ADAM23: variants seen among roughly 807,000 people sequenced by gnomAD.
ADAM23 encodes the protein ADAM metallopeptidase domain 23.
In ADAM23, 33 loss-of-function variants were observed where a neutral mutation model predicts 120.1. That is an observed-to-expected ratio of 0.27 (90% confidence interval 0.21 to 0.37). The LOEUF (loss-of-function observed/expected upper bound fraction) is 0.37. ADAM23 is among the 10% of genes least tolerant of loss of function. ADAM23 has a pLI of 1.00. For missense variants in ADAM23, 862 were observed against 1,058.2 expected (o/e 0.81, Z 2.57); for synonymous variants, 367 against 375.2 (o/e 0.98, Z 0.25).
intron 8 of ADAM23, among the ~76,000 whole-genome samples, chr2:206,549,355 C>A (rs1345376694): frequency 6.6e-6 from 1 of 151,636 alleles, no homozygotes; most frequent in East Asian, 1.9e-4. Context: ...GGCTGCTGTT[C>A]TTTCCCTACA....
intron 2 of ADAM23, among the ~76,000 whole-genome samples, chr2:206,473,302 CG>C (rs1425091942): frequency 2.0e-5 from 3 of 152,082 alleles, no homozygotes; most frequent in Non-Finnish European, 4.4e-5. Context: ...TCTTTAAATG[CG>C]GAGAAAGTCT....
intron 2 of ADAM23, among the ~76,000 whole-genome samples, chr2:206,451,428 T>TG (rs1450405312): frequency 6.6e-6 from 1 of 152,196 alleles, no homozygotes; most frequent in African/African-American, 2.4e-5. Flanking sequence ...CCAGTAGAGA[T>TG]GGGGTTTCAC....
At chr2:206,536,043 C>A (rs543680075) in intron 4 of ADAM23, among the ~76,000 whole-genome samples, 2 of 152,312 alleles carry the variant, frequency 1.3e-5, no homozygotes, top group South Asian at 4.1e-4. Context: ...CCACCCTCTT[C>A]ATCAAACAAG....
At chr2:206,482,652 G>C (rs1234610651) in intron 3 of ADAM23, among the ~76,000 whole-genome samples, 4 of 152,312 alleles carry the variant, frequency 2.6e-5, no homozygotes, top group East Asian at 3.9e-4. Context: ...AAAGGAATCA[G>C]GTTGAGCACC....
At chr2:206,503,106 G>A (rs1313780222) in intron 3 of ADAM23, among the ~76,000 whole-genome samples, 5 of 152,160 alleles carry the variant, frequency 3.3e-5, no homozygotes, top group African/African-American at 4.8e-5. Context: ...GCTTGTGGTT[G>A]TGTTGCTGGT....
chr2:206,529,210 A>G (rs566022871), intron 3 of ADAM23, among the ~76,000 whole-genome samples: 4 of 152,166 alleles, frequency 2.6e-5, no homozygotes, highest in Non-Finnish European at 5.9e-5. Flanking sequence ...CTAGTACTGC[A>G]TAGTCTGAGT....
chr2:206,445,293 C>G lies in ADAM23; in HGVS notation c.215-14C>G, dbSNP rs200990949. ...TTTGTATTTTCTGCTCCCCCACCCC[C>G]CTACCTCCACCAGCTCCGCATTGGA... On this transcript the variant is annotated splice_polypyrimidine_tract_variant and intron_variant, in intron 1 of 25. Transcript: ENST00000264377. 216 of 1,609,646 alleles carry G rather than the reference C, an allele frequency of 1.3e-4. No homozygotes were observed. The highest frequency in any genetic ancestry group is 8.0e-5 in the African/African-American group (6 of 74,928).
intron 9 of ADAM23, among the ~76,000 whole-genome samples, chr2:206,552,320 A>G (rs903492796): frequency 2.0e-5 from 3 of 152,206 alleles, no homozygotes; most frequent in African/African-American, 7.2e-5. Flanking sequence ...TCAGGAAAGT[A>G]CATGAAGCTA....
In ADAM23 at chr2:206,620,800, A is replaced by G. The variant is rs1451793712; in HGVS notation, c.*3173A>G. On this transcript the variant is annotated 3_prime_UTR_variant, in exon 26 of 26. Coordinates refer to ENST00000264377, the MANE Select transcript of ADAM23 (RefSeq NM_003812.4). ...AAACATGAATCACATAGAGCAGTGG[A>G]GTTTTACCAAGTGGTGTGTGTGGTT... The G allele has an allele frequency of 6.6e-6, 1 of 152,024 alleles. No homozygotes were observed. Among genetic ancestry groups the G allele is most frequent in the Non-Finnish European group, 1.5e-5 (1 of 68,006 alleles). The allele number at this position is 152,024 out of a possible 1,614,324, so 9.4% of individuals were successfully genotyped here. A position where few individuals can be genotyped will look rare whatever the true frequency, so the allele number is the denominator to read the frequency against.
intron 12 of ADAM23, among the ~76,000 whole-genome samples, chr2:206,561,512 C>CT (rs199708395): frequency 1.1e-4 from 16 of 151,284 alleles, no homozygotes; most frequent in South Asian, 4.2e-4. Flanking sequence ...CCTTCTCTGA[C>CT]TTTTTTTTTG....
At chr2:206,542,260 A>G in intron 5 of ADAM23, 126 bp downstream of exon 5, 1 of 882,108 alleles carries the variant, frequency 1.1e-6, no homozygotes, top group Non-Finnish European at 1.8e-6. Context: ...AGTGGTGCAC[A>G]AGGAGGGCAA....
intron 2 of ADAM23, among the ~76,000 whole-genome samples, chr2:206,451,246 T>C (rs1662208069): frequency 6.6e-6 from 1 of 152,162 alleles, no homozygotes; most frequent in Admixed American, 6.5e-5. Context: ...AACTCAAGTG[T>C]AGGAAACTTC....
chr2:206,545,146 A>G (rs973501564), intron 6 of ADAM23, among the ~76,000 whole-genome samples: 1 of 152,196 alleles, frequency 6.6e-6, no homozygotes, highest in African/African-American at 2.4e-5. Flanking sequence ...TATTGCAGTT[A>G]TTTGATGGGG....
At chr2:206,499,831 A>T (rs1272313437) in intron 3 of ADAM23, among the ~76,000 whole-genome samples, 1 of 152,034 alleles carries the variant, frequency 6.6e-6, no homozygotes, top group Non-Finnish European at 1.5e-5. Flanking sequence ...GGTTCTTTGT[A>T]TACGTTTGAT....
At chr2:206,473,341 C>A (rs759665977) in intron 2 of ADAM23, among the ~76,000 whole-genome samples, 1 of 152,134 alleles carries the variant, frequency 6.6e-6, no homozygotes, top group Non-Finnish European at 1.5e-5. Context: ...CAGCTCTCTC[C>A]AGCCCCCAGC....
chr2:206,522,297 G>A (rs1559246511), intron 3 of ADAM23, among the ~76,000 whole-genome samples: 1 of 151,650 alleles, frequency 6.6e-6, no homozygotes, highest in Non-Finnish European at 1.5e-5. Flanking sequence ...AATGTGTTTT[G>A]TTTTTGCATA....
At chr2:206,578,266 T>C (rs1698156758) in intron 18 of ADAM23, among the ~76,000 whole-genome samples, 2 of 152,166 alleles carry the variant, frequency 1.3e-5, no homozygotes, top group African/African-American at 4.8e-5. Context: ...GTAGGTTCTT[T>C]AGTGGTGATT....
At chr2:206,580,052 G>C (rs1698193133) in intron 18 of ADAM23, among the ~76,000 whole-genome samples, 1 of 151,776 alleles carries the variant, frequency 6.6e-6, no homozygotes, top group Admixed American at 6.6e-5. Context: ...CTACTGATTT[G>C]TTTACATTAA....
chr2:206,560,049 A>G lies in ADAM23; in HGVS notation c.1100A>G (p.Gln367Arg), dbSNP rs1163925898. 2 of 1,614,166 alleles carry G rather than the reference A, an allele frequency of 1.2e-6. No individual in the cohort carries two copies. Among genetic ancestry groups the G allele is most frequent in the East Asian group, 2.2e-5 (1 of 44,874 alleles). Reference sequence around the variant, plus strand: ...ATTGACATCACCACCAACCCTGTGCAGATGCTCCATGAGTTCTCAAAATAC... The same window carrying G: ...ATTGACATCACCACCAACCCTGTGCGGATGCTCCATGAGTTCTCAAAATAC... The part of the protein sequence containing the change: ...DQIDITTNPV[Q>R]MLHEFSKYRQ... The change falls in exon 11 of 26, where the codon CAG becomes CGG. Residue 367 changes from glutamine (Q) to arginine (R), a missense_variant. Physicochemically the swap from Gln to Arg is conservative, Grantham distance 43. Around this residue, in one of 4 missense-constraint regions of ADAM23, gnomAD observed 617 missense variants for 813.5 expected, o/e 0.76. Transcript: ENST00000264377.
Sources: gnomAD v4.1 joint callset for allele counts (sites outside exome capture counted in the v4.1 genomes callset) on GRCh38, gnomAD v4.1.1 for gene constraint, gnomAD v4.1.1 regional missense constraint, MANE v1.5 for transcripts, NCBI Gene and HGNC (gene_info 2026-07-23, HGNC 2026-07-21) for gene names.